The following MCTP2 variants were observed in gnomAD, a reference collection of about 807,000 sequenced individuals.
MCTP2 encodes multiple C2 and transmembrane domain-containing protein 2.
A neutral mutation model predicts 111.6 loss-of-function variants in MCTP2; 132 were observed. The observed-to-expected ratio is 1.18, with a 90% confidence interval of 1.03 to 1.37. The LOEUF is 1.37. MCTP2 is among the 40% of genes most tolerant of loss of function. MCTP2 has a pLI of 0.00. For synonymous variants in MCTP2, 395 were observed against 387.7 expected (o/e 1.02, Z -0.22); for missense variants, 1,183 against 1,067.9 (o/e 1.11, Z -1.50).
intron 1 of MCTP2, among the ~76,000 whole-genome samples, chr15:94,276,458 G>A (rs1368396669): frequency 2.0e-5 from 3 of 151,868 alleles, no homozygotes; most frequent in Non-Finnish European, 4.4e-5. Context: ...CAATTTTATA[G>A]GTAAGTTCTA....
At chr15:94,309,077 T>C (rs1296082675) in intron 2 of MCTP2, among the ~76,000 whole-genome samples, 1 of 152,210 alleles carries the variant, frequency 6.6e-6, no homozygotes, top group East Asian at 1.9e-4. Flanking sequence ...TGAAAAGTGG[T>C]ACAAAAAAAT....
At chr15:94,406,980 C>T (rs1043982501) in intron 17 of MCTP2, among the ~76,000 whole-genome samples, 2 of 151,504 alleles carry the variant, frequency 1.3e-5, no homozygotes, top group African/African-American at 4.9e-5. Flanking sequence ...GAGATAGGCC[C>T]ATATGTCTAG....
chr15:94,467,090 G>A (rs1326561012), intron 20 of MCTP2, among the ~76,000 whole-genome samples: 1 of 152,110 alleles, frequency 6.6e-6, no homozygotes, highest in Non-Finnish European at 1.5e-5. Flanking sequence ...ATAAATGTAT[G>A]GAATCCCCTC....
At chr15:94,443,022 C>A in intron 19 of MCTP2, 62 bp downstream of exon 19, 1 of 1,352,638 alleles carries the variant, frequency 7.4e-7, no homozygotes, top group Non-Finnish European at 1.0e-6. Context: ...AGATAGCATT[C>A]CTTCAGGTTG....
chr15:94,276,643 A>G (rs2074224352), intron 1 of MCTP2, among the ~76,000 whole-genome samples: 1 of 113,872 alleles, frequency 8.8e-6, no homozygotes, highest in Non-Finnish European at 1.8e-5. Flanking sequence ...TGGTATTTTT[A>G]AAATATTACA....
chr15:94,350,501 C>T (rs1430929181), intron 8 of MCTP2, among the ~76,000 whole-genome samples: 1 of 152,130 alleles, frequency 6.6e-6, no homozygotes, highest in African/African-American at 2.4e-5. Context: ...ACCTGGGAGG[C>T]AGATGTCGCA....
At chr15:94,244,983 T>C (rs199891287) in intron 1 of MCTP2, among the ~76,000 whole-genome samples, 5,129 of 142,854 alleles carry the variant, frequency 0.036, 535 homozygotes, top group East Asian at 0.13. Flanking sequence ...CACATACATA[T>C]GCACCTGTTT....
chr15:94,345,493 A>AAACT (rs2077929118), intron 8 of MCTP2, among the ~76,000 whole-genome samples: 1 of 152,194 alleles, frequency 6.6e-6, no homozygotes. Flanking sequence ...CATGAGATGG[A>AAACT]AACTAGCATT....
chr15:94,332,692 T>TTTTTTTTTTTTTTGAGACGGAGTCTCGC (rs2077183598), intron 4 of MCTP2, among the ~76,000 whole-genome samples: 1 of 152,212 alleles, frequency 6.6e-6, no homozygotes, highest in Admixed American at 6.5e-5. Flanking sequence ...TAGAAAATTT[T>TTTTTTTTTTTTTTGAGACGGAGTCTCGC]TCAAGCTAAA....
intron 20 of MCTP2, among the ~76,000 whole-genome samples, chr15:94,467,574 T>A (rs534587355): frequency 3.3e-5 from 5 of 152,282 alleles, no homozygotes; most frequent in South Asian, 2.1e-4. Flanking sequence ...ACCTTTTTTT[T>A]AAAGCTGCGT....
At chr15:94,444,758 T>G (rs2152514301) in intron 19 of MCTP2, among the ~76,000 whole-genome samples, 1 of 152,306 alleles carries the variant, frequency 6.6e-6, no homozygotes, top group South Asian at 2.1e-4. Flanking sequence ...TCTTATTATA[T>G]CATAACATCA....
At chr15:94,436,851 G>A (rs17549449) in intron 17 of MCTP2, among the ~76,000 whole-genome samples, 20,651 of 147,178 alleles carry the variant, frequency 0.14, 1,857 homozygotes, top group Non-Finnish European at 0.21. Flanking sequence ...TGAGTATGCC[G>A]TTAAAACCCT....
At chr15:94,379,729 G>A (rs1480593059) in intron 12 of MCTP2, among the ~76,000 whole-genome samples, 1 of 142,044 alleles carries the variant, frequency 7.0e-6, no homozygotes, top group Non-Finnish European at 1.5e-5. Flanking sequence ...AATATATAAT[G>A]TGTAATATAA....
At chr15:94,371,933 T>C (rs1468909634) in intron 12 of MCTP2, among the ~76,000 whole-genome samples, 3 of 152,190 alleles carry the variant, frequency 2.0e-5, no homozygotes, top group Non-Finnish European at 2.9e-5. Flanking sequence ...AAACTAGTTT[T>C]TATAAAGATT....
chr15:94,252,152 T>G (rs150059862), intron 1 of MCTP2, among the ~76,000 whole-genome samples: 36 of 152,326 alleles, frequency 2.4e-4, no homozygotes, highest in African/African-American at 8.2e-4. Context: ...ATTGCTAGAT[T>G]ATGTGATGAT....
chr15:94,421,605 G>T (rs2152494002), intron 17 of MCTP2, among the ~76,000 whole-genome samples: 1 of 152,256 alleles, frequency 6.6e-6, no homozygotes, highest in East Asian at 1.9e-4. Flanking sequence ...TCCATCTTCA[G>T]ATCCAGCAAG....
chr15:94,266,847 T>C (rs1282366100), intron 1 of MCTP2, among the ~76,000 whole-genome samples: 1 of 152,240 alleles, frequency 6.6e-6, no homozygotes, highest in African/African-American at 2.4e-5. Flanking sequence ...TTCAGAACAA[T>C]GTAAAACATT....
chr15:94,465,481 C>G (rs2073194650), intron 20 of MCTP2, among the ~76,000 whole-genome samples: 1 of 152,142 alleles, frequency 6.6e-6, no homozygotes. Context: ...TGGTGTTCCC[C>G]TCTCTTTTAA....
chr15:94,312,796 G>A (rs569125647), intron 2 of MCTP2, among the ~76,000 whole-genome samples: 19 of 152,190 alleles, frequency 1.2e-4, no homozygotes, highest in African/African-American at 4.3e-4. Context: ...TGCAGAGGCA[G>A]TGGGCCAGAA....
Sources: allele counts gnomAD v4.1 joint callset (sites outside exome capture counted in the v4.1 genomes callset), GRCh38; gene constraint gnomAD v4.1.1; transcripts MANE v1.5; gene names NCBI Gene and HGNC (gene_info 2026-07-23, HGNC 2026-07-21).